CD109: variants seen among roughly 807,000 people sequenced by gnomAD.
CD109 encodes the protein CD109 antigen.
Under a neutral mutation model 165.8 loss-of-function variants are expected in CD109, and 149 were observed. That is an observed-to-expected ratio of 0.90 (90% CI 0.79 to 1.03). The LOEUF (loss-of-function observed/expected upper bound fraction) is 1.03. CD109 is among the 50% of genes least tolerant of loss of function. The pLI, the probability that CD109 is intolerant of heterozygous loss-of-function variation, is 0.00. For missense variants in CD109, 1,712 were observed against 1,677.8 expected (o/e 1.02, Z -0.36); for synonymous variants, 585 against 592.1 (o/e 0.99, Z 0.18).
At chr6:73,799,897 C>G (rs1481343035) in intron 23 of CD109, among the ~76,000 whole-genome samples, 1 of 150,750 alleles carries the variant, frequency 6.6e-6, no homozygotes, top group Admixed American at 6.6e-5. Context: ...TCTCCCTTTG[C>G]CCAGGCTGAA....
chr6:73,820,781 A>G (rs3005538), intron 32 of CD109, among the ~76,000 whole-genome samples: 89,010 of 151,998 alleles, frequency 0.59, 26,896 homozygotes, highest in African/African-American at 0.74. Context: ...ATGAAATTTA[A>G]AAATGATATA....
chr6:73,781,001 G>A (rs1289305573), intron 16 of CD109, among the ~76,000 whole-genome samples: 2 of 123,028 alleles, frequency 1.6e-5, no homozygotes, highest in East Asian at 4.9e-4. Flanking sequence ...ATCGATATGT[G>A]TATGCGTGTG....
At chr6:73,794,447 G>A (rs762835258) in intron 23 of CD109, among the ~76,000 whole-genome samples, 1 of 152,162 alleles carries the variant, frequency 6.6e-6, no homozygotes, top group Non-Finnish European at 1.5e-5. Flanking sequence ...GGAGGAACAT[G>A]GGGTCCTGTA....
the CD109 span, among the ~76,000 whole-genome samples, chr6:73,685,071 T>G: frequency 6.6e-6 from 1 of 151,830 alleles, no homozygotes; most frequent in Admixed American, 6.6e-5. Context: ...CACAGCTAAT[T>G]TTTGCATTTT....
the CD109 span, among the ~76,000 whole-genome samples, chr6:73,685,600 G>A: frequency 6.6e-6 from 1 of 151,902 alleles, no homozygotes; most frequent in Non-Finnish European, 1.5e-5. Flanking sequence ...GCGGTTTTTG[G>A]TCACATGAAT....
At chr6:73,790,262 T>G (rs1774874852) in intron 22 of CD109, among the ~76,000 whole-genome samples, 1 of 150,196 alleles carries the variant, frequency 6.7e-6, no homozygotes. Context: ...GCCCGGCTAA[T>G]TTTTTATATT....
intron 31 of CD109, among the ~76,000 whole-genome samples, chr6:73,820,080 G>A (rs1011751927): frequency 6.6e-6 from 1 of 152,148 alleles, no homozygotes; most frequent in South Asian, 2.1e-4. Context: ...CCTACTGGGT[G>A]ACATGGCTTG....
rs1204944813 is a variant in CD109, at chr6:73,783,835, A to G, written c.2223+11A>G. 7.0e-7 allele frequency: 1 copy of G among 1,438,134 alleles called. No homozygotes were observed. The highest frequency in any genetic ancestry group is 1.8e-5 in the Admixed American group (1 of 56,686). 89.1% of individuals were successfully genotyped at this position (1,438,134 alleles called of 1,614,324 possible). A position where few individuals can be genotyped will look rare whatever the true frequency, so the allele number is the denominator to read the frequency against. On this transcript the variant is annotated intron_variant, in intron 19 of 32. Coordinates refer to ENST00000287097, the MANE Select transcript of CD109 (RefSeq NM_133493.5). ...ACTACTCCAGTGGAGGTATTGTATT[A>G]AAGAGCTGCTTATCAGTATTACGGT...
intron 2 of CD109, among the ~76,000 whole-genome samples, chr6:73,710,930 C>A (rs535666917): frequency 6.6e-6 from 1 of 152,188 alleles, no homozygotes; most frequent in Non-Finnish European, 1.5e-5. Context: ...ACCAGCAGAA[C>A]TTTATTTATG....
intron 2 of CD109, among the ~76,000 whole-genome samples, chr6:73,700,417 A>G (rs1278119214): frequency 6.6e-6 from 1 of 151,900 alleles, no homozygotes; most frequent in African/African-American, 2.4e-5. Context: ...CCCCCAACAG[A>G]AGGTTGGTTT....
At chr6:73,800,925 T>A (rs1775339611) in intron 23 of CD109, among the ~76,000 whole-genome samples, 1 of 152,226 alleles carries the variant, frequency 6.6e-6, no homozygotes, top group Non-Finnish European at 1.5e-5. Context: ...TTGTTAAGCC[T>A]TGCTTATAGT....
intron 30 of CD109, among the ~76,000 whole-genome samples, chr6:73,817,564 C>T (rs1866091): frequency 0.56 from 85,417 of 152,000 alleles, 24,374 homozygotes; most frequent in African/African-American, 0.66. Context: ...TTTCTTTTGC[C>T]ATTTAAAAGG....
rs758015845 is a variant in CD109, at chr6:73,820,427, G to T, written c.4060-34G>T. On this transcript the variant is annotated intron_variant, in intron 31 of 32. Transcript: ENST00000287097. Reference sequence around the variant, plus strand: ...TTACTTAATCATGAACACACAGTGTGCCAACCCCTTAAGACTCTTTTGTAT... The same window carrying T: ...TTACTTAATCATGAACACACAGTGTTCCAACCCCTTAAGACTCTTTTGTAT... 4.9e-6 allele frequency: 6 copies of T among 1,217,450 alleles called. No individual in the cohort carries two copies. The Admixed American group carries it at 1.1e-4, about 22-fold the overall frequency. The allele number at this position is 1,217,450 out of a possible 1,614,324, so 75.4% of individuals were successfully genotyped here.
Position 73,723,392 on chromosome 6 carries a change from G to C in CD109, c.276+113G>C, listed in dbSNP as rs1772031512. ...TTCACACATTTCACGTTTCATGTAAGTTTGGCTTGAGTTTAGTTCAGCCTT... is the reference window on the plus strand; with the variant it reads ...TTCACACATTTCACGTTTCATGTAACTTTGGCTTGAGTTTAGTTCAGCCTT... On this transcript the variant is annotated intron_variant, in intron 3 of 32. Transcript: ENST00000287097. 2.8e-5 allele frequency: 24 copies of C among 869,292 alleles called. 3 individuals are homozygous for C. In the South Asian group the frequency reaches 3.7e-4, roughly 13 times the overall value. 53.8% of individuals were successfully genotyped at this position (869,292 alleles called of 1,614,324 possible).
intron 4 of CD109, among the ~76,000 whole-genome samples, chr6:73,732,495 C>T (rs537556635): frequency 2.0e-5 from 3 of 152,144 alleles, no homozygotes; most frequent in African/African-American, 7.2e-5. Flanking sequence ...ATGTCACCCC[C>T]CTGAGCAGAG....
intron 23 of CD109, among the ~76,000 whole-genome samples, chr6:73,799,600 CAG>C (rs1199910047): frequency 6.3e-4 from 96 of 152,250 alleles, no homozygotes; most frequent in Non-Finnish European, 8.8e-5. Context: ...ACAAGAGAGA[CAG>C]TGTTGTGGGG....
intron 9 of CD109, 24 bp from the exon 10 acceptor site, chr6:73,763,552 T>TA: frequency 7.5e-7 from 1 of 1,335,702 alleles, no homozygotes; most frequent in South Asian, 1.3e-5. Flanking sequence ...TTTTGCTTTC[T>TA]AAATTGTGCA....
chr6:73,790,268 A>G (rs4706556), intron 22 of CD109, among the ~76,000 whole-genome samples: 57,592 of 148,748 alleles, frequency 0.39, 11,175 homozygotes, highest in African/African-American at 0.47. Context: ...CTAATTTTTT[A>G]TATTTTCATT....
intron 31 of CD109, among the ~76,000 whole-genome samples, chr6:73,819,504 A>G (rs1358075667): frequency 6.6e-6 from 1 of 152,180 alleles, no homozygotes; most frequent in Non-Finnish European, 1.5e-5. Flanking sequence ...TTCATATTAC[A>G]TGGGTGGGTT....
Sources: allele counts gnomAD v4.1 joint callset (sites outside exome capture counted in the v4.1 genomes callset), GRCh38; gene constraint gnomAD v4.1.1; transcripts MANE v1.5; gene names NCBI Gene and HGNC (gene_info 2026-07-23, HGNC 2026-07-21).